Variants in PIBF1 observed in about 807,000 individuals in gnomAD.
PIBF1 encodes progesterone-induced-blocking factor 1.
In PIBF1, 90 loss-of-function variants were observed where a neutral mutation model predicts 112.5. The observed-to-expected ratio is 0.80, with a 90% CI of 0.67 to 0.95. The LOEUF (loss-of-function observed/expected upper bound fraction) is 0.95, where lower values mean the gene tolerates loss of function less well. PIBF1 is among the 40% of genes least tolerant of loss of function. The pLI is 0.00. For missense variants in PIBF1, 915 were observed against 852.3 expected, an observed-to-expected ratio of 1.07 and a Z score of -0.92; for synonymous variants, 301 against 288.6, an observed-to-expected ratio of 1.04 and a Z score of -0.44.
chr13:72,802,642 T>C (rs1469189444), intron 5 of PIBF1, among the ~76,000 whole-genome samples: 1 of 152,190 alleles, frequency 6.6e-6, no homozygotes, highest in Non-Finnish European at 1.5e-5. Flanking sequence ...TGAGGCCGAC[T>C]TGAGTGCAAA....
rs533813729 is a variant in PIBF1, at chr13:72,871,276, G to T, written c.1322+17121G>T. ...TAGTTTGGGCCATGTTTCTAGTCAAGTGGTGTCTGTCTGTCTGTCTCTCTG... is the reference window on the plus strand; with the variant it reads ...TAGTTTGGGCCATGTTTCTAGTCAATTGGTGTCTGTCTGTCTGTCTCTCTG... On this transcript the variant is annotated intron_variant, in intron 10 of 17. Transcript: ENST00000326291. Among the ~76,000 whole-genome samples the T allele has an allele frequency of 7.2e-5, 11 of 152,126 alleles. No homozygotes were observed. In the East Asian group the frequency reaches 2.1e-3, roughly 29 times the overall value.
chr13:73,007,387 C>G (rs1180924486), intron 17 of PIBF1, among the ~76,000 whole-genome samples: 1 of 151,438 alleles, frequency 6.6e-6, no homozygotes, highest in Non-Finnish European at 1.5e-5. Context: ...GCCTCCACCT[C>G]CTGGGTTCAA....
At chr13:72,815,900 G>T (rs1190129570) in intron 5 of PIBF1, among the ~76,000 whole-genome samples, 1 of 152,202 alleles carries the variant, frequency 6.6e-6, no homozygotes, top group African/African-American at 2.4e-5. Context: ...TGATAAATTT[G>T]GGGGTTAATA....
chr13:72,810,306 T>C (rs1362676254), intron 5 of PIBF1, among the ~76,000 whole-genome samples: 1 of 152,220 alleles, frequency 6.6e-6, no homozygotes, highest in Admixed American at 6.5e-5. Context: ...AAGGATGTGA[T>C]GTTAGAGATA....
intron 5 of PIBF1, among the ~76,000 whole-genome samples, chr13:72,802,012 G>C (rs112234682): frequency 6.6e-6 from 1 of 151,968 alleles, no homozygotes; most frequent in African/African-American, 2.4e-5. Flanking sequence ...TTTAAAAAAT[G>C]TTTTCTCTAG....
chr13:72,827,546 G>T (rs977092488), intron 7 of PIBF1, among the ~76,000 whole-genome samples, 187 bp from the exon 8 acceptor site: 2 of 152,010 alleles, frequency 1.3e-5, no homozygotes, highest in Admixed American at 1.3e-4. Flanking sequence ...ACCATGCCCA[G>T]CCCCAAAAAG....
rs150452298 is a variant in PIBF1 at position 72,821,318 on chromosome 13, G to A, written c.673-531G>A. Reference sequence around the variant, plus strand: ...TTAACATGCTACTGACATGGGGAGAGTAGAGGGAAGAACAATGTAAAGATG... The same window carrying A: ...TTAACATGCTACTGACATGGGGAGAATAGAGGGAAGAACAATGTAAAGATG... On this transcript the variant is annotated intron_variant, in intron 5 of 17. Transcript: ENST00000326291. Among the ~76,000 whole-genome samples, 552 of 152,298 alleles carry A rather than the reference G, an allele frequency of 3.6e-3. 7 individuals carry two copies. The highest frequency in any genetic ancestry group is 0.012 in the African/African-American group (501 of 41,566).
chr13:72,908,007 G>A (rs960908561), intron 11 of PIBF1, among the ~76,000 whole-genome samples: 1 of 152,076 alleles, frequency 6.6e-6, no homozygotes, highest in South Asian at 2.1e-4. Context: ...ACTGCCTCAA[G>A]CAGTACTTCA....
chr13:72,921,584 T>C (rs1156710468), intron 13 of PIBF1, among the ~76,000 whole-genome samples: 3 of 152,240 alleles, frequency 2.0e-5, no homozygotes, highest in Admixed American at 6.5e-5. Flanking sequence ...TCTTATGTCA[T>C]TGGATATTCT....
intron 10 of PIBF1, among the ~76,000 whole-genome samples, chr13:72,889,384 T>C (rs2039974395): frequency 6.6e-6 from 1 of 152,108 alleles, no homozygotes; most frequent in Non-Finnish European, 1.5e-5. Flanking sequence ...GCTTGTGGAG[T>C]TTAAAACTAA....
chr13:72,901,748 A>G (rs966864169), intron 11 of PIBF1, among the ~76,000 whole-genome samples: 3 of 151,970 alleles, frequency 2.0e-5, no homozygotes, highest in African/African-American at 4.8e-5. Context: ...GAACACTTCT[A>G]CGTTTCTGGT....
chr13:72,782,929 G>C (rs769895554), intron 1 of PIBF1, among the ~76,000 whole-genome samples: 49 of 151,314 alleles, frequency 3.2e-4, no homozygotes, highest in Non-Finnish European at 2.1e-4. Context: ...TTGGGGGGGC[G>C]GTGAAAGGAG....
chr13:72,998,793 T>A (rs368363044), intron 16 of PIBF1, 29 bp from the exon 17 acceptor site: 1 of 1,552,106 alleles, frequency 6.4e-7, no homozygotes, highest in African/African-American at 1.4e-5. Context: ...TCACTCTTGC[T>A]ACTTTCTTCT....
chr13:72,851,385 T>C (rs2138304512), intron 9 of PIBF1, among the ~76,000 whole-genome samples: 1 of 152,248 alleles, frequency 6.6e-6, no homozygotes, highest in Middle Eastern at 3.2e-3. Context: ...AGGCCAAGCC[T>C]GGGCACTGTT....
intron 5 of PIBF1, among the ~76,000 whole-genome samples, chr13:72,811,947 G>A (rs1457406835): frequency 2.0e-5 from 3 of 152,206 alleles, no homozygotes; most frequent in Non-Finnish European, 4.4e-5. Context: ...GCTGTATGAA[G>A]AGACATAATC....
chr13:72,948,272 C>G (rs993021583), intron 14 of PIBF1, among the ~76,000 whole-genome samples: 2 of 152,146 alleles, frequency 1.3e-5, no homozygotes, highest in African/African-American at 4.8e-5. Context: ...CCTAAATCAT[C>G]TCTCTCAAGT....
At chr13:72,955,373 T>TTG (rs150485983) in intron 14 of PIBF1, among the ~76,000 whole-genome samples, 24,557 of 147,672 alleles carry the variant, frequency 0.17, 2,177 homozygotes, top group Non-Finnish European at 0.21. Flanking sequence ...ATGTGTGTGT[T>TTG]TGTGTGTGTG....
intron 6 of PIBF1, among the ~76,000 whole-genome samples, chr13:72,824,332 A>G (rs1397748860): frequency 2.0e-5 from 3 of 152,008 alleles, no homozygotes; most frequent in Admixed American, 1.3e-4. Flanking sequence ...TGATACTTCT[A>G]ATTCCAATTC....
chr13:72,987,858 ATTTTT>A (rs55999445), intron 16 of PIBF1, among the ~76,000 whole-genome samples: 5 of 58,118 alleles, frequency 8.6e-5, no homozygotes, highest in South Asian at 8.1e-4. Context: ...TTATTTATTT[ATTTTT>A]TTTTTTTTTT....
Sources: allele counts gnomAD v4.1 joint callset (sites outside exome capture counted in the v4.1 genomes callset), GRCh38; gene constraint gnomAD v4.1.1; transcripts MANE v1.5; gene names NCBI Gene and HGNC (gene_info 2026-07-23, HGNC 2026-07-21).